The following PDILT variants were observed in gnomAD, a reference collection of about 807,000 sequenced individuals.
PDILT encodes protein disulfide isomerase like, testis expressed, also known as protein disulfide-isomerase-like protein of the testis.
PDILT carries 43 observed loss-of-function variants against 53.7 expected under a neutral mutation model. The ratio of observed to expected loss-of-function variants is 0.80; its 90% CI spans 0.63 to 1.03. The LOEUF (loss-of-function observed/expected upper bound fraction) is 1.03. Ranked by LOEUF, PDILT falls within the 50% of genes least tolerant of loss-of-function variation. PDILT has a pLI of 0.00. For missense variants in PDILT, 727 were observed against 712.3 expected (o/e 1.02, Z -0.24); for synonymous variants, 282 against 274.2 (o/e 1.03, Z -0.28).
intron 11 of PDILT, among the ~76,000 whole-genome samples, chr16:20,360,096 A>G (rs1966074913): frequency 6.6e-6 from 1 of 152,232 alleles, no homozygotes; most frequent in South Asian, 2.1e-4. Context: ...ATGTTCTACC[A>G]GTTATATGGG....
At chr16:20,381,598 T>A (rs180741767) in intron 3 of PDILT, among the ~76,000 whole-genome samples, 3 of 139,880 alleles carry the variant, frequency 2.1e-5, no homozygotes, top group African/African-American at 8.1e-5. Flanking sequence ...ATCGCACCAC[T>A]GCACTCCAGC....
At chr16:20,367,216 C>G (rs543773039) in intron 8 of PDILT, among the ~76,000 whole-genome samples, 2 of 152,046 alleles carry the variant, frequency 1.3e-5, no homozygotes, top group East Asian at 3.9e-4. Context: ...GATTCTCCTG[C>G]CTCAGCCTCC....
intron 2 of PDILT, among the ~76,000 whole-genome samples, chr16:20,387,270 G>A (rs1567328933): frequency 6.6e-6 from 1 of 152,204 alleles, no homozygotes; most frequent in African/African-American, 2.4e-5. Flanking sequence ...GAGAGTTGGA[G>A]GTTGGGAGTA....
intron 3 of PDILT, 34 bp downstream of exon 3, chr16:20,384,611 G>T: frequency 1.9e-6 from 3 of 1,612,368 alleles, no homozygotes; most frequent in African/African-American, 2.7e-5. Context: ...CTTTCCATGA[G>T]CATGAAACAA....
intron 7 of PDILT, among the ~76,000 whole-genome samples, 190 bp downstream of exon 7, chr16:20,372,612 G>A (rs1333551830): frequency 1.3e-5 from 2 of 152,198 alleles, no homozygotes; most frequent in African/African-American, 2.4e-5. Context: ...GAATGGAGAA[G>A]GCATATTTAA....
intron 2 of PDILT, among the ~76,000 whole-genome samples, chr16:20,392,587 C>T (rs964343820): frequency 7.2e-5 from 11 of 152,066 alleles, no homozygotes; most frequent in South Asian, 4.1e-4. Flanking sequence ...TTTAGAAGGC[C>T]GGCTAGTTTT....
At chr16:20,362,041 C>T (rs1402313234) in intron 10 of PDILT, among the ~76,000 whole-genome samples, 7 of 152,070 alleles carry the variant, frequency 4.6e-5, no homozygotes, top group African/African-American at 1.7e-4. Context: ...CTGGTAATAC[C>T]CCACATCCAA....
intron 2 of PDILT, among the ~76,000 whole-genome samples, chr16:20,391,815 A>C (rs891738174): frequency 6.6e-6 from 1 of 151,898 alleles, no homozygotes; most frequent in Non-Finnish European, 1.5e-5. Flanking sequence ...TCCCAGCCAG[A>C]CTAAGTGGGA....
intron 1 of PDILT, among the ~76,000 whole-genome samples, chr16:20,400,072 AT>A (rs55815809): frequency 7.3e-6 from 1 of 137,484 alleles, no homozygotes. Flanking sequence ...ATATATATAT[AT>A]TTTTTGAGAC....
At chr16:20,400,072 A>ATATATATATATATTTT (rs753235349) in intron 1 of PDILT, among the ~76,000 whole-genome samples, 1 of 137,430 alleles carries the variant, frequency 7.3e-6, no homozygotes, top group Non-Finnish European at 1.5e-5. Context: ...ATATATATAT[A>ATATATATATATATTTT]TTTTTTGAGA....
rs138022995 is a variant in PDILT at position 20,369,603 on chromosome 16, G to A, written c.1005C>T (p.Ser335=). The A allele has an allele frequency of 3.7e-5, 60 of 1,614,072 alleles. No homozygotes were observed. The highest frequency in any genetic ancestry group is 4.5e-5 in the East Asian group (2 of 44,902). ...YFRVTEVDIP[S]VQILNLSSDA... is the part of the protein sequence containing the mutation. The stretch of plus-strand genomic sequence containing the variant: ...CAGAGCTCAAGTTTAGGATTTGGAC[G>A]GATGGGATATCGACCTCTGTGACCC... The change falls in exon 8 of 12, where the codon TCC becomes TCT. Residue 335 remains serine, a synonymous_variant. Transcript: ENST00000302451.
At chr16:20,364,433 T>TA (rs1318616088) in intron 9 of PDILT, among the ~76,000 whole-genome samples, 8 of 149,752 alleles carry the variant, frequency 5.3e-5, no homozygotes, top group African/African-American at 2.0e-4. Flanking sequence ...TCTTGCTACT[T>TA]ACTGTGTGAC....
At chr16:20,402,980 G>T (rs1409316733) in intron 1 of PDILT, among the ~76,000 whole-genome samples, 4 of 152,218 alleles carry the variant, frequency 2.6e-5, no homozygotes, top group Non-Finnish European at 1.5e-5. Flanking sequence ...TCCAAGCTCA[G>T]CTCCAACATC....
chr16:20,365,091 A>T (rs1354056403), intron 9 of PDILT, among the ~76,000 whole-genome samples: 2 of 152,382 alleles, frequency 1.3e-5, no homozygotes, highest in African/African-American at 4.8e-5. Context: ...ATTAAATGAG[A>T]TAATGTATGC....
At chr16:20,374,411 G>A (rs192280820) in intron 5 of PDILT, among the ~76,000 whole-genome samples, 1 of 152,164 alleles carries the variant, frequency 6.6e-6, no homozygotes, top group African/African-American at 2.4e-5. Flanking sequence ...GAGAGGACCT[G>A]GAGAGGAGAT....
chr16:20,386,629 C>T (rs980730444), intron 2 of PDILT, among the ~76,000 whole-genome samples: 3 of 152,210 alleles, frequency 2.0e-5, no homozygotes, highest in Non-Finnish European at 4.4e-5. Context: ...GGTCAATGGA[C>T]CGGAAGCGGG....
intron 2 of PDILT, among the ~76,000 whole-genome samples, chr16:20,396,503 A>T (rs947487861): frequency 1.2e-4 from 18 of 152,228 alleles, no homozygotes; most frequent in Non-Finnish European, 2.6e-4. Flanking sequence ...GAAGCCCAAC[A>T]GATGCTGTCT....
Position 20,361,205 on chromosome 16 carries a change from T to TTTTTTTTTTTTTG in PDILT, c.1417-549_1417-548insCAAAAAAAAAAAA, listed in dbSNP as rs5816105. Among the ~76,000 whole-genome samples the TTTTTTTTTTTTTG allele has an allele frequency of 1.6e-4, 22 of 134,796 alleles. 4 individuals are homozygous for TTTTTTTTTTTTTG. The highest frequency in any genetic ancestry group is 1.9e-4 in the Non-Finnish European group (12 of 63,226). 88.4% of individuals were successfully genotyped at this position (134,796 alleles called of 152,430 possible). ...TCCCTTTCCTCTTTTTTTTTTTTTT[T>TTTTTTTTTTTTTG]ATATGGAATCTTGCTCTGTCACCAT... On this transcript the variant is annotated intron_variant, in intron 10 of 11. Transcript: ENST00000302451.
At chr16:20,367,041 TTCTTTCTTTCTTTCTTTC>T (rs1361627602) in intron 8 of PDILT, among the ~76,000 whole-genome samples, 1 of 34,168 alleles carries the variant, frequency 2.9e-5, no homozygotes, top group Non-Finnish European at 6.9e-5. Context: ...CTTTCTTTCT[TTCTTTCTTTCTTTCTTTC>T]TTTCTTTCTT....
Sources: gnomAD v4.1 joint callset for allele counts (sites outside exome capture counted in the v4.1 genomes callset) on GRCh38, gnomAD v4.1.1 for gene constraint, MANE v1.5 for transcripts, NCBI Gene and HGNC (gene_info 2026-07-23, HGNC 2026-07-21) for gene names.